Variants in C2 observed in about 807,000 individuals in gnomAD.
C2 encodes complement C2.
A neutral mutation model predicts 85.2 loss-of-function variants in C2; 64 were observed. The observed-to-expected ratio is 0.75, with a 90% CI of 0.61 to 0.92. The LOEUF (loss-of-function observed/expected upper bound fraction) is 0.92, where lower values mean the gene tolerates loss of function less well. Among genes scored for constraint, C2 ranks in the 40% least tolerant of loss-of-function variants. C2 has a pLI of 0.00. For missense variants in C2, 820 were observed against 971.6 expected (o/e 0.84, Z 2.07); for synonymous variants, 311 against 370.8 (o/e 0.84, Z 1.85).
In C2 at chr6:31,921,702, T is replaced by C. The variant is rs1326695271; in HGVS notation, c.-100+1676T>C. On this transcript the variant is annotated intron_variant, in intron 1 of 3. Transcript: ENST00000413154. This position sits in a 1 kb window ranked among gnomAD's most constrained non-coding sequence, Gnocchi z 4.6. The stretch of plus-strand genomic sequence containing the variant: ...AGTTCCCTCATCTGTAAAGTGGGAG[T>C]AACAACAGAACCTGTGTCATAAGCT... 6.6e-6 allele frequency among the ~76,000 whole-genome samples: 1 copy of C among 151,990 alleles called. No individual in the cohort carries two copies. The highest frequency in any genetic ancestry group is 1.5e-5 in the Non-Finnish European group (1 of 68,004).
rs188421772 is a variant in C2, at chr6:31,930,716, A to G, written c.442+1799A>G. On this transcript the variant is annotated intron_variant, in intron 3 of 17. Transcript: ENST00000299367. ...CCACCTTCACCTAGTGGCCCAGACC[A>G]TGGATCCCCACTCATGCCCTTGGGT... Among the ~76,000 whole-genome samples, 14 of 152,340 alleles carry G rather than the reference A, an allele frequency of 9.2e-5. No homozygotes were observed. In the East Asian group the frequency reaches 2.7e-3, roughly 29 times the overall value.
intron 1 of C2, chr6:31,901,362 C>G: frequency 6.5e-7 from 1 of 1,533,396 alleles, no homozygotes; most frequent in Non-Finnish European, 8.8e-7. Flanking sequence ...ACAAAGGTCT[C>G]TGGCTCTCCG....
intron 9 of C2, chr6:31,941,686 G>C (rs987118389): frequency 5.9e-5 from 9 of 151,996 alleles, no homozygotes; most frequent in African/African-American, 2.2e-4. Flanking sequence ...ATTTTTAGTA[G>C]AGACATGGTC....
chr6:31,943,218 C>T lies in C2; in HGVS notation c.1361-7C>T, dbSNP rs779341561. 5.6e-6 allele frequency: 9 copies of T among 1,612,666 alleles called. No individual in the cohort carries two copies. Among genetic ancestry groups the T allele is most frequent in the Non-Finnish European group, 6.8e-6 (8 of 1,179,788 alleles). On this transcript the variant is annotated splice_region_variant and splice_polypyrimidine_tract_variant and intron_variant, in intron 10 of 17. Transcript: ENST00000299367. This position sits in a 1 kb window ranked among gnomAD's most constrained non-coding sequence, Gnocchi z 6.4. ...CCTCCTTCCCCATCTGATCCTCACA[C>T]CCACAGATGTCTCCAAGCTCACAGA... is the stretch of plus-strand genomic sequence containing the variant.
At chr6:31,928,196 C>G (rs7746553) in intron 2 of C2, 32 bp downstream of exon 2, 266,435 of 1,576,610 alleles carry the variant, frequency 0.17, 25,370 homozygotes, top group South Asian at 0.32. Flanking sequence ...GCTCAGGGTG[C>G]TACACCAGGG....
At chr6:31,933,502 A>C in intron 3 of C2, 108 bp from the exon 4 acceptor site, 1 of 1,149,812 alleles carries the variant, frequency 8.7e-7, no homozygotes, top group Non-Finnish European at 1.3e-6. Context: ...ACATGGGTGC[A>C]TCCCTGGGTT....
intron 9 of C2, among the ~76,000 whole-genome samples, chr6:31,941,952 GGA>G (rs1054541835): frequency 6.6e-6 from 1 of 151,186 alleles, no homozygotes; most frequent in Non-Finnish European, 1.5e-5. Context: ...TGAGTAGCTG[GGA>G]TTACAGGTGT....
chr6:31,911,708 CA>C (rs1768114384), intron 1 of C2, among the ~76,000 whole-genome samples: 1 of 151,150 alleles, frequency 6.6e-6, no homozygotes. Flanking sequence ...TGGCACACTG[CA>C]GCCTCCGCCT....
Position 31,936,988 on chromosome 6 carries a change from C to A in C2, c.989-331C>A, listed in dbSNP as rs187383698. 757 of 328,274 alleles carry A rather than the reference C, an allele frequency of 2.3e-3. 7 individuals are homozygous for A. The highest frequency in any genetic ancestry group is 0.015 in the African/African-American group (691 of 46,802). The allele number at this position is 328,274 out of a possible 1,614,324, so 20.3% of individuals were successfully genotyped here. A position where few individuals can be genotyped will look rare whatever the true frequency, so the allele number is the denominator to read the frequency against. On this transcript the variant is annotated intron_variant, in intron 7 of 17. Transcript: ENST00000299367. ...CAGCACTTTGGGAGGCTGAGATGGGCGGATCACTTGAGGTCAGGAAACCAG... is the reference window on the plus strand; with the variant it reads ...CAGCACTTTGGGAGGCTGAGATGGGAGGATCACTTGAGGTCAGGAAACCAG...
At chr6:31,903,914 T>C (rs1157723720) in intron 1 of C2, among the ~76,000 whole-genome samples, 1 of 151,958 alleles carries the variant, frequency 6.6e-6, no homozygotes, top group African/African-American at 2.4e-5. Context: ...TATTTAGGCC[T>C]TGTAGATTTG....
chr6:31,929,666 C>T (rs373311926), intron 3 of C2, among the ~76,000 whole-genome samples: 3 of 143,308 alleles, frequency 2.1e-5, no homozygotes, highest in East Asian at 2.0e-4. Flanking sequence ...TGCAGTGAGC[C>T]GAGATTGCAT....
chr6:31,926,578 C>T (rs556679), upstream of C2, among the ~76,000 whole-genome samples: 16,186 of 151,766 alleles, frequency 0.11, 866 homozygotes, highest in African/African-American at 0.12. Context: ...ATGATCCACC[C>T]GCCTCAGCCT....
In C2 at chr6:31,943,417, C is replaced by T. The variant is rs1262581907; in HGVS notation, c.1457C>T (p.Pro486Leu). 6.2e-7 allele frequency: 1 copy of T among 1,612,894 alleles called. No homozygotes were observed. Among genetic ancestry groups the T allele is most frequent in the African/African-American group, 1.3e-5 (1 of 75,074 alleles). ...ERTPWHVTIK[P>L]KSQETCRGAL... ...TGAAAATCACCTGTTCCCCTGCAGC[C>T]CAAGAGCCAAGAGACCTGCCGGGGG... Residue 486 changes from proline to leucine, a missense_variant and splice_region_variant, in exon 12 of 18, where the codon CCC (proline) becomes CTC (leucine). By Grantham distance (98) the Pro-to-Leu change is moderately conservative. Coordinates refer to ENST00000299367, the MANE Select transcript of C2 (RefSeq NM_000063.6). This position sits in a 1 kb window ranked among gnomAD's most constrained non-coding sequence, Gnocchi z 6.4.
chr6:31,930,202 C>T (rs1173581828), intron 3 of C2, among the ~76,000 whole-genome samples: 1 of 151,880 alleles, frequency 6.6e-6, no homozygotes, highest in Non-Finnish European at 1.5e-5. Flanking sequence ...CTGCCTCAGC[C>T]TCCCAAGAAG....
Position 31,944,860 on chromosome 6 carries a change from C to T in C2, c.2029+7C>T. On this transcript the variant is annotated splice_region_variant and intron_variant, in intron 16 of 17. Transcript: ENST00000299367. This position sits in a 1 kb window ranked among gnomAD's most constrained non-coding sequence, Gnocchi z 5.1. ...GATGAGAGTCCCTGCAAGGGTGAGT[C>T]CCTCACCATGCCTGGATTCCCAAGG... 6.2e-7 allele frequency: 1 copy of T among 1,613,004 alleles called. No individual in the cohort carries two copies. Among genetic ancestry groups the T allele is most frequent in the Non-Finnish European group, 8.5e-7 (1 of 1,179,980 alleles).
At position 31,943,787 on chromosome 6, in the gene C2, G is replaced by A; in HGVS notation, c.1711G>A (p.Val571Ile). 6.8e-6 allele frequency: 11 copies of A among 1,613,112 alleles called. No homozygotes were observed. Among genetic ancestry groups the A allele is most frequent in the Non-Finnish European group, 9.3e-6 (11 of 1,180,044 alleles). The change falls in exon 13 of 18, where the codon GTA (valine) becomes ATA (isoleucine). Residue 571 changes from valine (V) to isoleucine (I), a missense_variant. Transcript: ENST00000299367. This position sits in a 1 kb window ranked among gnomAD's most constrained non-coding sequence, Gnocchi z 6.4. ...DIALLKLAQKVKMSTHARPIC... is the reference protein window; with the variant it reads ...DIALLKLAQKIKMSTHARPIC... ...AGCTCTGCTGAAGCTGGCCCAGAAA[G>A]TAAAGATGTCCACCCATGCCAGGTG...
At chr6:31,917,361 C>T (rs1033874330), upstream of C2, among the ~76,000 whole-genome samples, 3 of 151,344 alleles carry the variant, frequency 2.0e-5, no homozygotes, top group Non-Finnish European at 2.9e-5. Context: ...AGGACAGAAT[C>T]CTAAATGAAT....
At chr6:31,899,110 C>G (rs988593771), upstream of C2, among the ~76,000 whole-genome samples, 1 of 150,946 alleles carries the variant, frequency 6.6e-6, no homozygotes, top group African/African-American at 2.4e-5. Context: ...TTGTGGAAAA[C>G]AAAAGCAGAA....
intron 1 of C2, among the ~76,000 whole-genome samples, chr6:31,913,381 G>T (rs1768256990): frequency 6.6e-6 from 1 of 152,218 alleles, no homozygotes; most frequent in Admixed American, 6.5e-5. Flanking sequence ...TTCGCGACCA[G>T]CCTGGCCAAC....
Sources: gnomAD v4.1 joint callset for allele counts (sites outside exome capture counted in the v4.1 genomes callset) on GRCh38, gnomAD v4.1.1 for gene constraint, Gnocchi (gnomAD v3.1) non-coding constraint, MANE v1.5 for transcripts, NCBI Gene and HGNC (gene_info 2026-07-23, HGNC 2026-07-21) for gene names.